The following DAB1 variants were observed in gnomAD, a reference collection of about 807,000 sequenced individuals.
The protein encoded by DAB1 is disabled homolog 1.
A neutral mutation model predicts 64.6 loss-of-function variants in DAB1; 15 were observed. That is an observed-to-expected ratio of 0.23 (90% confidence interval 0.16 to 0.36). DAB1 has a LOEUF of 0.36. DAB1 is among the 10% of genes least tolerant of loss of function. DAB1 has a pLI of 1.00. For missense variants in DAB1, 596 were observed against 706.7 expected (o/e 0.84, Z 1.78); for synonymous variants, 235 against 251.9 (o/e 0.93, Z 0.64).
At chr1:58,189,158 C>A (rs1011069851) in intron 4 of DAB1, among the ~76,000 whole-genome samples, 1 of 152,120 alleles carries the variant, frequency 6.6e-6, no homozygotes, top group African/African-American at 2.4e-5. Context: ...TCAGCTTTGT[C>A]ATATTTGGTT....
chr1:57,388,008 A>G (rs1314835779), intron 1 of DAB1, among the ~76,000 whole-genome samples: 2 of 152,130 alleles, frequency 1.3e-5, no homozygotes, highest in Admixed American at 1.3e-4. Flanking sequence ...AAATACAAGC[A>G]TCAAAGGTTG....
chr1:57,951,149 C>G (rs1237050382), intron 5 of DAB1, among the ~76,000 whole-genome samples: 2 of 151,396 alleles, frequency 1.3e-5, no homozygotes, highest in East Asian at 3.9e-4. Flanking sequence ...GGCAGAGCAT[C>G]TATTTTAATG....
intron 5 of DAB1, among the ~76,000 whole-genome samples, chr1:57,907,604 T>C (rs1045339739): frequency 2.0e-5 from 3 of 152,084 alleles, no homozygotes; most frequent in African/African-American, 7.2e-5. Flanking sequence ...CGCCTCATAG[T>C]AGTGATGAGA....
intron 7 of DAB1, among the ~76,000 whole-genome samples, chr1:57,548,219 T>C (rs1205737582): frequency 6.6e-6 from 1 of 152,152 alleles, no homozygotes; most frequent in African/African-American, 2.4e-5. Context: ...ACTTTAAAAA[T>C]ATCACCTCAT....
At chr1:57,751,575 T>C (rs1188208503) in intron 6 of DAB1, among the ~76,000 whole-genome samples, 1 of 151,902 alleles carries the variant, frequency 6.6e-6, no homozygotes, top group African/African-American at 2.4e-5. Context: ...GATCAAAGGC[T>C]TAAAACCTGT....
intron 4 of DAB1, among the ~76,000 whole-genome samples, chr1:58,207,014 C>T (rs558232498): frequency 6.6e-6 from 1 of 152,284 alleles, no homozygotes; most frequent in Admixed American, 6.5e-5. Context: ...CCTGGACTAG[C>T]CTAGTGGAGG....
intron 4 of DAB1, among the ~76,000 whole-genome samples, chr1:58,153,205 A>G (rs939166471): frequency 6.6e-6 from 1 of 152,190 alleles, no homozygotes; most frequent in Non-Finnish European, 1.5e-5. Flanking sequence ...GTGCCTGATA[A>G]TATTTCTGTC....
chr1:58,058,419 G>T (rs1168040937), intron 5 of DAB1, among the ~76,000 whole-genome samples: 2 of 152,148 alleles, frequency 1.3e-5, no homozygotes, highest in Non-Finnish European at 2.9e-5. Context: ...ATCCATCTTA[G>T]CCTTAAACTC....
intron 1 of DAB1, among the ~76,000 whole-genome samples, chr1:57,376,916 A>G (rs1017673334): frequency 6.6e-6 from 1 of 152,210 alleles, no homozygotes; most frequent in African/African-American, 2.4e-5. Flanking sequence ...AGAGAACTCA[A>G]TGTTAAGTCC....
intron 4 of DAB1, among the ~76,000 whole-genome samples, chr1:58,255,941 G>C (rs1015071331): frequency 6.6e-6 from 1 of 152,180 alleles, no homozygotes; most frequent in African/African-American, 2.4e-5. Flanking sequence ...ATGTGCCTAA[G>C]CTCCCCTGTT....
intron 5 of DAB1, among the ~76,000 whole-genome samples, chr1:58,032,100 A>G (rs945286251): frequency 3.3e-5 from 5 of 151,498 alleles, no homozygotes; most frequent in African/African-American, 1.2e-4. Context: ...CAGTATCTGC[A>G]TCATCTGGGA....
chr1:57,069,262 A>G, intron 8 of DAB1, 98 bp downstream of exon 8: 1 of 1,009,594 alleles, frequency 9.9e-7, no homozygotes, highest in Non-Finnish European at 1.6e-6. Context: ...TTAACAAGCC[A>G]GGAATGACCA....
At chr1:58,103,456 G>A (rs891180955) in intron 5 of DAB1, among the ~76,000 whole-genome samples, 4 of 152,036 alleles carry the variant, frequency 2.6e-5, no homozygotes, top group African/African-American at 9.7e-5. Flanking sequence ...AAATGAATGG[G>A]CATGGTTGTG....
intron 5 of DAB1, among the ~76,000 whole-genome samples, chr1:58,071,043 G>A (rs1649204274): frequency 6.6e-6 from 1 of 152,160 alleles, no homozygotes. Context: ...TGGAGGGAAT[G>A]GCTATGAGAG....
chr1:58,440,925 A>G (rs1037086876), intron 3 of DAB1, among the ~76,000 whole-genome samples: 1 of 152,326 alleles, frequency 6.6e-6, no homozygotes, highest in East Asian at 1.9e-4. Flanking sequence ...TGATTAAGTC[A>G]GCTACTACAG....
intron 4 of DAB1, among the ~76,000 whole-genome samples, chr1:57,083,883 C>T (rs1652802829): frequency 6.6e-6 from 1 of 152,192 alleles, no homozygotes; most frequent in Admixed American, 6.5e-5. Flanking sequence ...AATCACCTAG[C>T]TTCTCTGAAC....
chr1:57,633,441 C>A (rs989310941), intron 7 of DAB1, among the ~76,000 whole-genome samples: 1 of 152,052 alleles, frequency 6.6e-6, no homozygotes, highest in Admixed American at 6.6e-5. Context: ...AATCATTGGC[C>A]CAATGTGTGG....
At chr1:58,168,700 G>C (rs1332097354) in intron 4 of DAB1, among the ~76,000 whole-genome samples, 1 of 152,072 alleles carries the variant, frequency 6.6e-6, no homozygotes, top group South Asian at 2.1e-4. Context: ...CTAGGATATG[G>C]GGAGCTTCAG....
At chr1:57,794,735 A>G (rs1650760143) in intron 6 of DAB1, among the ~76,000 whole-genome samples, 1 of 152,194 alleles carries the variant, frequency 6.6e-6, no homozygotes, top group Non-Finnish European at 1.5e-5. Flanking sequence ...ATTTATTACT[A>G]TATCCCTAGC....
Sources: gnomAD v4.1 joint callset for allele counts (sites outside exome capture counted in the v4.1 genomes callset) on GRCh38, gnomAD v4.1.1 for gene constraint, MANE v1.5 for transcripts, NCBI Gene and HGNC (gene_info 2026-07-23, HGNC 2026-07-21) for gene names.